FXR1: variants seen among roughly 807,000 people sequenced by gnomAD.
The protein encoded by FXR1 is RNA-binding protein FXR1.
A neutral mutation model predicts 84.0 loss-of-function variants in FXR1; 15 were observed. That is an observed-to-expected ratio of 0.18 (90% CI 0.12 to 0.27). The LOEUF is 0.27. FXR1 is among the 10% of genes least tolerant of loss of function. The pLI, the probability that FXR1 is intolerant of heterozygous loss-of-function variation, is 1.00. For missense variants in FXR1, 480 were observed against 774.4 expected (o/e 0.62, Z 4.51); for synonymous variants, 245 against 250.7 (o/e 0.98, Z 0.21).
Position 180,968,175 on chromosome 3 carries a change from C to T in FXR1, c.1323C>T (p.Arg441=), listed in dbSNP as rs772292772. The T allele has an allele frequency of 4.3e-6, 7 of 1,613,708 alleles. No individual in the cohort carries two copies. The Admixed American group carries it at 5.0e-5, about 12-fold the overall frequency. The change falls in exon 14 of 17, where the codon CGC becomes CGT. Residue 441 remains arginine (R), a synonymous_variant. Transcript: ENST00000357559. ...GACATCAGCGTGACAGCAGGAGACG[C>T]CCAGGAGGAAGAGGCAGAAGTGTTT... The part of the protein sequence containing the change: ...DSRHQRDSRR[R]PGGRGRSVSG...
intron 13 of FXR1, among the ~76,000 whole-genome samples, chr3:180,963,527 T>C (rs968057774): frequency 1.3e-5 from 2 of 152,184 alleles, no homozygotes; most frequent in Admixed American, 6.5e-5. Context: ...AGATTGCATA[T>C]AGCAAGTCTT....
At chr3:180,944,907 G>A (rs1380010242) in intron 3 of FXR1, among the ~76,000 whole-genome samples, 1 of 152,234 alleles carries the variant, frequency 6.6e-6, no homozygotes, top group Non-Finnish European at 1.5e-5. Context: ...ACGGGCGTGA[G>A]CCCCACCACG....
intron 15 of FXR1, chr3:180,971,119 C>T (rs891751159): frequency 7.8e-6 from 10 of 1,277,230 alleles, no homozygotes; most frequent in Admixed American, 2.4e-5. Context: ...TAGCCGCAGG[C>T]GTCGCTTCAG....
At chr3:180,935,277 A>T in intron 3 of FXR1, 46 bp downstream of exon 3, 1 of 828,260 alleles carries the variant, frequency 1.2e-6, no homozygotes, top group Non-Finnish European at 2.1e-6. Flanking sequence ...TTTTTGATTT[A>T]AATAAATACT....
chr3:180,947,521 A>G (rs1047110291), intron 3 of FXR1, among the ~76,000 whole-genome samples: 1 of 152,192 alleles, frequency 6.6e-6, no homozygotes, highest in African/African-American at 2.4e-5. Flanking sequence ...TCTGAGAACA[A>G]TTTTTAATAT....
chr3:180,957,582 T>C (rs1156509284), intron 9 of FXR1: 6 of 371,852 alleles, frequency 1.6e-5, no homozygotes, highest in African/African-American at 2.1e-5. Context: ...TCCTTACATG[T>C]GAGCACTGTT....
chr3:180,968,795 A>G (rs1314374064), intron 14 of FXR1, among the ~76,000 whole-genome samples: 1 of 152,184 alleles, frequency 6.6e-6, no homozygotes, highest in Non-Finnish European at 1.5e-5. Context: ...TTGAGGGTGT[A>G]GGAAACGTTT....
chr3:180,956,132 G>C (rs865854481), intron 9 of FXR1, among the ~76,000 whole-genome samples: 3 of 152,184 alleles, frequency 2.0e-5, no homozygotes, highest in Admixed American at 1.3e-4. Flanking sequence ...ACTTGGGTAA[G>C]TTCCAGAGAG....
intron 2 of FXR1, among the ~76,000 whole-genome samples, chr3:180,934,664 A>C (rs967280323): frequency 6.6e-6 from 1 of 152,206 alleles, no homozygotes. Flanking sequence ...CATGTATACT[A>C]AAAAGAATTA....
At chr3:180,918,006 T>TA (rs1560155785) in intron 1 of FXR1, among the ~76,000 whole-genome samples, 1 of 151,128 alleles carries the variant, frequency 6.6e-6, no homozygotes, top group African/African-American at 2.4e-5. Context: ...TAAAGTTTTG[T>TA]GTTTTGTATT....
intron 1 of FXR1, among the ~76,000 whole-genome samples, chr3:180,922,252 A>G (rs1718681643): frequency 6.6e-6 from 1 of 152,176 alleles, no homozygotes; most frequent in Non-Finnish European, 1.5e-5. Context: ...TGCTTTCCAA[A>G]AAGGCTTCTG....
At chr3:180,929,421 C>T (rs2108438293) in intron 1 of FXR1, among the ~76,000 whole-genome samples, 1 of 152,140 alleles carries the variant, frequency 6.6e-6, no homozygotes, top group East Asian at 1.9e-4. Flanking sequence ...TTGGACTGTG[C>T]GAGTGAACAA....
At chr3:180,927,625 C>A in intron 1 of FXR1, 1 of 584,930 alleles carries the variant, frequency 1.7e-6, no homozygotes, top group Non-Finnish European at 3.0e-6. Flanking sequence ...AGCAGATATC[C>A]TGTGTACTTT....
intron 3 of FXR1, among the ~76,000 whole-genome samples, chr3:180,942,848 T>C (rs1443346417): frequency 6.6e-6 from 1 of 152,212 alleles, no homozygotes; most frequent in African/African-American, 2.4e-5. Flanking sequence ...ATTTAGGATA[T>C]AGTACACTAG....
At chr3:180,930,980 G>A (rs1274360332) in intron 1 of FXR1, among the ~76,000 whole-genome samples, 2 of 125,648 alleles carry the variant, frequency 1.6e-5, no homozygotes, top group African/African-American at 6.0e-5. Context: ...TGTGAGCCCA[G>A]ATAACACCAC....
intron 1 of FXR1, chr3:180,914,699 T>A (rs1044248239): frequency 1.3e-6 from 1 of 785,722 alleles, no homozygotes; most frequent in African/African-American, 1.9e-5. Flanking sequence ...TCTGAAGTAT[T>A]TATAATTGAT....
At chr3:180,962,975 T>C in intron 12 of FXR1, 35 bp downstream of exon 12, 1 of 1,609,292 alleles carries the variant, frequency 6.2e-7, no homozygotes, top group Non-Finnish European at 8.5e-7. Context: ...CCAGAGGGCC[T>C]GAAAAAGAGA....
At chr3:180,961,339 CAAAAAAAAAAAAAA>C in intron 10 of FXR1, 115 bp from the exon 11 acceptor site, 1 of 290,964 alleles carries the variant, frequency 3.4e-6, no homozygotes, top group Admixed American at 7.1e-5. Flanking sequence ...GACGTCATCT[CAAAAAAAAAAAAAA>C]AAAAAAAAAA....
Position 180,957,938 on chromosome 3 carries a change from T to G in FXR1, c.990+10T>G. The G allele has an allele frequency of 8.3e-7, 1 of 1,211,350 alleles. No individual in the cohort carries two copies. The highest frequency in any genetic ancestry group is 2.5e-5 in the East Asian group (1 of 40,470). 75.0% of individuals were successfully genotyped at this position (1,211,350 alleles called of 1,614,324 possible). On this transcript the variant is annotated intron_variant, in intron 10 of 16. Transcript: ENST00000357559. Reference sequence around the variant, plus strand: ...ATTACCCAGAGAAGACGTAAGTATTTAAAATGTAATCTGCCTCTTTAAAAT... The same window carrying G: ...ATTACCCAGAGAAGACGTAAGTATTGAAAATGTAATCTGCCTCTTTAAAAT...
Sources: allele counts gnomAD v4.1 joint callset (sites outside exome capture counted in the v4.1 genomes callset), GRCh38; gene constraint gnomAD v4.1.1; transcripts MANE v1.5; gene names NCBI Gene and HGNC (gene_info 2026-07-23, HGNC 2026-07-21).